The following CWC27 variants were observed in gnomAD, a reference collection of about 807,000 sequenced individuals.
CWC27 encodes the protein spliceosome-associated protein CWC27 homolog.
Under a neutral mutation model 63.6 loss-of-function variants are expected in CWC27, and 47 were observed. The ratio of observed to expected loss-of-function variants is 0.74; its 90% CI spans 0.58 to 0.94. The LOEUF is 0.94. Among genes scored for constraint, CWC27 ranks in the 40% least tolerant of loss-of-function variants. The pLI is 0.00. For missense variants in CWC27, 495 were observed against 554.3 expected (o/e 0.89, Z 1.07); for synonymous variants, 175 against 179.8 (o/e 0.97, Z 0.22).
intron 10 of CWC27, among the ~76,000 whole-genome samples, chr5:64,875,692 G>A (rs1746778618): frequency 6.6e-6 from 1 of 152,070 alleles, no homozygotes; most frequent in Non-Finnish European, 1.5e-5. Flanking sequence ...AATCTAAGCA[G>A]TGCCCCAAAC....
intron 11 of CWC27, among the ~76,000 whole-genome samples, chr5:64,942,585 T>C (rs1212368269): frequency 6.6e-6 from 1 of 151,994 alleles, no homozygotes; most frequent in Non-Finnish European, 1.5e-5. Flanking sequence ...AATCCATAAA[T>C]TAGGAATCAC....
At chr5:64,929,199 C>T (rs1748183873) in intron 11 of CWC27, among the ~76,000 whole-genome samples, 1 of 152,082 alleles carries the variant, frequency 6.6e-6, no homozygotes, top group African/African-American at 2.4e-5. Flanking sequence ...TTAGGCATAT[C>T]CTACCTCTGA....
At chr5:64,890,059 G>C (rs780108087) in intron 11 of CWC27, among the ~76,000 whole-genome samples, 1 of 152,128 alleles carries the variant, frequency 6.6e-6, no homozygotes, top group Non-Finnish European at 1.5e-5. Flanking sequence ...TAGTCACATA[G>C]AGATGACAGG....
intron 10 of CWC27, among the ~76,000 whole-genome samples, chr5:64,880,845 A>C (rs1186515351): frequency 6.8e-6 from 1 of 147,392 alleles, no homozygotes; most frequent in African/African-American, 2.5e-5. Flanking sequence ...GTAACAGTTT[A>C]TAAAAGCCAT....
At chr5:64,927,416 T>C (rs749718145) in intron 11 of CWC27, among the ~76,000 whole-genome samples, 1 of 152,148 alleles carries the variant, frequency 6.6e-6, no homozygotes, top group African/African-American at 2.4e-5. Context: ...CTGCCCCTCT[T>C]CTTCACAGAT....
At chr5:64,840,362 T>A (rs7711018) in intron 10 of CWC27, among the ~76,000 whole-genome samples, 2,691 of 22,170 alleles carry the variant, frequency 0.12, 357 homozygotes, top group East Asian at 0.31. Flanking sequence ...CCTTTTTCAT[T>A]AAAAAAAAAA....
chr5:64,875,369 A>G (rs555288509), intron 10 of CWC27, among the ~76,000 whole-genome samples: 1 of 152,248 alleles, frequency 6.6e-6, no homozygotes, highest in Non-Finnish European at 1.5e-5. Flanking sequence ...ATTCGTAAGT[A>G]ATGGTGTAGC....
intron 10 of CWC27, among the ~76,000 whole-genome samples, chr5:64,867,457 A>G (rs1331539843): frequency 6.6e-6 from 1 of 152,124 alleles, no homozygotes; most frequent in East Asian, 1.9e-4. Flanking sequence ...AGATCTCCTA[A>G]TAAAGCCGTC....
At chr5:64,974,162 C>T (rs1749178904) in intron 12 of CWC27, among the ~76,000 whole-genome samples, 1 of 151,792 alleles carries the variant, frequency 6.6e-6, no homozygotes, top group Non-Finnish European at 1.5e-5. Flanking sequence ...CGCTTGAGCC[C>T]AGTAGGTCGA....
chr5:64,963,054 A>C (rs1041364900), intron 11 of CWC27, among the ~76,000 whole-genome samples: 2 of 152,106 alleles, frequency 1.3e-5, no homozygotes, highest in Non-Finnish European at 2.9e-5. Context: ...TCCTGAGTTC[A>C]AGCAATTCTC....
At chr5:65,004,873 T>TATATAG (rs1749803428) in intron 13 of CWC27, among the ~76,000 whole-genome samples, 1 of 27,200 alleles carries the variant, frequency 3.7e-5, no homozygotes, top group Non-Finnish European at 7.2e-5. Flanking sequence ...TATATATATA[T>TATATAG]ATATATATAT....
intron 11 of CWC27, among the ~76,000 whole-genome samples, chr5:64,948,474 A>G (rs548132716): frequency 1.3e-5 from 2 of 151,836 alleles, no homozygotes; most frequent in East Asian, 3.9e-4. Context: ...GATGAAAAAA[A>G]TTTTTTCTAC....
At chr5:64,886,548 C>T (rs1747075765) in intron 11 of CWC27, among the ~76,000 whole-genome samples, 1 of 151,834 alleles carries the variant, frequency 6.6e-6, no homozygotes, top group Non-Finnish European at 1.5e-5. Context: ...AGCATCTAGC[C>T]TTAAAGACTA....
intron 11 of CWC27, among the ~76,000 whole-genome samples, chr5:64,888,128 C>T (rs969707333): frequency 1.3e-5 from 2 of 151,428 alleles, no homozygotes; most frequent in Non-Finnish European, 2.9e-5. Flanking sequence ...CAAGATCAGC[C>T]GGAAGTATCT....
intron 13 of CWC27, 48 bp from the exon 14 acceptor site, chr5:65,018,111 G>GT (rs778831213): frequency 1.4e-6 from 2 of 1,476,440 alleles, no homozygotes; most frequent in African/African-American, 1.4e-5. Context: ...AATTTCTACT[G>GT]TAAGTTCCCA....
At chr5:64,854,166 G>A (rs933030341) in intron 10 of CWC27, among the ~76,000 whole-genome samples, 3 of 152,146 alleles carry the variant, frequency 2.0e-5, no homozygotes, top group African/African-American at 4.8e-5. Flanking sequence ...ATAACATTCC[G>A]TTTTATGTAT....
intron 11 of CWC27, among the ~76,000 whole-genome samples, chr5:64,907,142 C>T (rs796118764): frequency 2.6e-5 from 4 of 152,226 alleles, no homozygotes; most frequent in South Asian, 2.1e-4. Flanking sequence ...ATTGACTTGG[C>T]GATGCGGGCT....
chr5:64,776,064 GGAGCGAGAGAGAGAGA>G (rs1309303118), intron 2 of CWC27, among the ~76,000 whole-genome samples: 2 of 85,380 alleles, frequency 2.3e-5, no homozygotes, highest in Non-Finnish European at 4.6e-5. Flanking sequence ...GGGGAGGAGT[GGAGCGAGAGAGAGAGA>G]GAGAGAGAGA....
At chr5:64,813,497 T>C (rs540028182) in intron 10 of CWC27, among the ~76,000 whole-genome samples, 2 of 152,144 alleles carry the variant, frequency 1.3e-5, no homozygotes, top group Admixed American at 6.6e-5. Flanking sequence ...GAAATGCACA[T>C]GTGGGAGAAG....
Sources: gnomAD v4.1 joint callset for allele counts (sites outside exome capture counted in the v4.1 genomes callset) on GRCh38, gnomAD v4.1.1 for gene constraint, MANE v1.5 for transcripts, NCBI Gene and HGNC (gene_info 2026-07-23, HGNC 2026-07-21) for gene names.